Variants in RUNX3 observed in about 807,000 individuals in gnomAD.
RUNX3 encodes the protein runt-related transcription factor 3.
A neutral mutation model predicts 27.7 loss-of-function variants in RUNX3; 10 were observed. The ratio of observed to expected loss-of-function variants is 0.36; its 90% CI spans 0.22 to 0.61. The LOEUF is 0.61. Ranked by LOEUF, RUNX3 falls within the 20% of genes least tolerant of loss-of-function variation. The probability of loss-of-function intolerance (pLI) is 0.72; values close to 1 mark genes in which losing one functional copy is unlikely to be tolerated. For synonymous variants in RUNX3, 270 were observed against 269.2 expected (o/e 1.00, Z -0.03); for missense variants, 469 against 629.5 (o/e 0.75, Z 2.73).
chr1:24,934,109 C>T (rs1641293068), upstream of RUNX3, among the ~76,000 whole-genome samples: 1 of 151,806 alleles, frequency 6.6e-6, no homozygotes, highest in African/African-American at 2.4e-5. Context: ...GATTGATGAT[C>T]GATTGTTTGA....
Position 24,927,699 on chromosome 1 carries a change from G to A in RUNX3, c.314C>T (p.Thr105Met), listed in dbSNP as rs1641125973. ...ATTGCCTGCCATCACAGTCACCACC[G>A]TACCATCCGGCACGTCCCCCAATGC... Reference protein sequence around the residue: ...VVALGDVPDGTVVTVMAGNDE... With the variant: ...VVALGDVPDGMVVTVMAGNDE... Residue 105 changes from threonine to methionine, a missense_variant, in exon 2 of 5, where the codon ACG becomes ATG. By Grantham distance (81) the Thr-to-Met change is moderately conservative (BLOSUM62 -1). Transcript: ENST00000308873. The surrounding 1 kb of genome is among the most constrained non-coding windows in gnomAD (Gnocchi z 5.0). The A allele has an allele frequency of 1.2e-6, 2 of 1,613,864 alleles. No individual in the cohort carries two copies. The highest frequency in any genetic ancestry group is 8.5e-7 in the Non-Finnish European group (1 of 1,179,992).
intron 2 of RUNX3, among the ~76,000 whole-genome samples, chr1:24,939,681 G>A (rs1013674497): frequency 1.3e-5 from 2 of 152,248 alleles, no homozygotes; most frequent in African/African-American, 4.8e-5. Context: ...TGGACTTTCT[G>A]GGTGGTTTGC....
intron 2 of RUNX3, among the ~76,000 whole-genome samples, chr1:24,951,395 C>T (rs936562408): frequency 3.3e-5 from 5 of 152,036 alleles, no homozygotes; most frequent in African/African-American, 1.2e-4. Context: ...AGGAGAAGAC[C>T]ACCACACCTC....
chr1:24,927,794 A>C lies in RUNX3; in HGVS notation c.283-64T>G. 8.7e-6 allele frequency: 11 copies of C among 1,271,672 alleles called. No individual in the cohort carries two copies. The highest frequency in any genetic ancestry group is 1.2e-5 in the South Asian group (1 of 84,324). 78.8% of individuals were successfully genotyped at this position (1,271,672 alleles called of 1,614,324 possible). ...AGAAAGGAAGAGGGTGACCAGGGAA[A>C]GGAGGGGAGGGGCTGGGCTGGGCAG... On this transcript the variant is annotated intron_variant, in intron 1 of 4. Coordinates refer to ENST00000308873, the MANE Select transcript of RUNX3 (RefSeq NM_004350.3). This position sits in a 1 kb window ranked among gnomAD's most constrained non-coding sequence, Gnocchi z 5.0.
intron 3 of RUNX3, 134 bp downstream of exon 3, chr1:24,919,106 G>A (rs1424562315): frequency 2.1e-5 from 12 of 566,582 alleles, no homozygotes; most frequent in African/African-American, 3.9e-5. Context: ...CAGCAGGCAC[G>A]CAGTGTGTGG....
At position 24,927,575 on chromosome 1, in the gene RUNX3, T is replaced by G. The variant is rs1466030555; in HGVS notation, c.438A>C (p.Arg146=). 4 of 1,613,962 alleles carry G rather than the reference T, an allele frequency of 2.5e-6. No individual in the cohort carries two copies. The highest frequency in any genetic ancestry group is 2.2e-5 in the East Asian group (1 of 44,884). The stretch of plus-strand genomic sequence containing the variant: ...TGGCGAGGCCTCCCTTCCACTTACC[T>G]CGCCCACTGCGGCCCACGAAGCGAA... ...NDLRFVGRSG[R]GKSFTLTITV... is the part of the protein sequence containing the mutation. Residue 146 remains arginine, a splice_region_variant and synonymous_variant, in exon 2 of 5, where the codon CGA becomes CGC. Transcript: ENST00000308873. This position sits in a 1 kb window ranked among gnomAD's most constrained non-coding sequence, Gnocchi z 5.0.
intron 2 of RUNX3, among the ~76,000 whole-genome samples, chr1:24,945,885 A>G (rs527313499): frequency 6.6e-6 from 1 of 151,692 alleles, no homozygotes; most frequent in South Asian, 2.1e-4. Context: ...TCCCCTCCCC[A>G]CCATGGCCCC....
At position 24,943,174 on chromosome 1, in the gene RUNX3, C is replaced by G. The variant is rs548267220; in HGVS notation, c.59-13322G>C. Among the ~76,000 whole-genome samples the G allele has an allele frequency of 4.5e-3, 687 of 152,342 alleles. 6 individuals are homozygous for G. The highest frequency in any genetic ancestry group is 7.0e-3 in the Non-Finnish European group (474 of 68,028). On this transcript the variant is annotated intron_variant, in intron 2 of 6. Transcript: ENST00000338888. The surrounding 1 kb of genome is among the most constrained non-coding windows in gnomAD (Gnocchi z 4.6). Reference sequence around the variant, plus strand: ...CCGGTTTTCCCAGGTGTGGGGACACCCTGAGGGAATGACTTTTCATGTGGT... The same window carrying G: ...CCGGTTTTCCCAGGTGTGGGGACACGCTGAGGGAATGACTTTTCATGTGGT...
At chr1:24,919,715 T>A (rs902153074) in intron 2 of RUNX3, among the ~76,000 whole-genome samples, 1 of 151,774 alleles carries the variant, frequency 6.6e-6, no homozygotes, top group Non-Finnish European at 1.5e-5. Context: ...GTAGAAAAAT[T>A]CAAGAACATA....
intron 1 of RUNX3, chr1:24,929,338 T>A (rs776739299): frequency 4.3e-6 from 3 of 689,722 alleles, no homozygotes; most frequent in Non-Finnish European, 8.0e-6. Context: ...CCAACGTCTC[T>A]ACGCAAGGCG....
intron 2 of RUNX3, among the ~76,000 whole-genome samples, chr1:24,950,983 G>A (rs1185039279): frequency 1.3e-5 from 2 of 152,102 alleles, no homozygotes; most frequent in Non-Finnish European, 2.9e-5. Context: ...TGAGGTGGGT[G>A]GATCACGAGG....
intron 3 of RUNX3, among the ~76,000 whole-genome samples, chr1:24,915,816 G>C (rs555890747): frequency 3.3e-5 from 5 of 152,108 alleles, no homozygotes; most frequent in Non-Finnish European, 7.4e-5. Context: ...GGGCGTGAGG[G>C]CCTTTCCCCC....
At chr1:24,955,262 G>A (rs1177878482) in intron 2 of RUNX3, among the ~76,000 whole-genome samples, 1 of 152,170 alleles carries the variant, frequency 6.6e-6, no homozygotes, top group Non-Finnish European at 1.5e-5. Flanking sequence ...GTATCGGGGA[G>A]GGCTCCATGG....
At position 24,913,026 on chromosome 1, in the gene RUNX3, A is replaced by G. The variant is rs2236849; in HGVS notation, c.545-5609T>C. On this transcript the variant is annotated intron_variant, in intron 3 of 4. Transcript: ENST00000308873. ...CTCAGGGTTGAGAGTGCAATTTCCA[A>G]TCATACCCTGCTCTAGACCACCAAG... is the stretch of plus-strand genomic sequence containing the variant. Among the ~76,000 whole-genome samples, 18 of 152,090 alleles carry G rather than the reference A, an allele frequency of 1.2e-4. No homozygotes were observed. The East Asian group carries it at 1.5e-3, about 13-fold the overall frequency.
Position 24,916,811 on chromosome 1 carries a change from G to A in RUNX3, c.544+2429C>T, listed in dbSNP as rs984083788. ...CCAGCCGCTGCCGGGGCCCAGAGAG[G>A]GAGGTCACCTGTCTCAGGTGGTGCA... is the stretch of plus-strand genomic sequence containing the variant. On this transcript the variant is annotated intron_variant, in intron 3 of 4. Coordinates refer to ENST00000308873, the MANE Select transcript of RUNX3 (RefSeq NM_004350.3). This position sits in a 1 kb window ranked among gnomAD's most constrained non-coding sequence, Gnocchi z 4.8. 6.6e-6 allele frequency among the ~76,000 whole-genome samples: 1 copy of A among 152,162 alleles called. No homozygotes were observed. Among genetic ancestry groups the A allele is most frequent in the Admixed American group, 6.5e-5 (1 of 15,284 alleles).
intron 3 of RUNX3, among the ~76,000 whole-genome samples, chr1:24,914,043 C>T (rs987498414): frequency 2.6e-5 from 4 of 152,242 alleles, no homozygotes; most frequent in Admixed American, 6.5e-5. Flanking sequence ...CAAGGTCACA[C>T]GGTGTGTGGC....
intron 3 of RUNX3, among the ~76,000 whole-genome samples, chr1:24,909,153 C>T (rs564964989): frequency 8.5e-5 from 13 of 152,254 alleles, no homozygotes; most frequent in East Asian, 3.9e-4. Context: ...CTGCTGAGGC[C>T]GAGGGACACT....
In RUNX3 at chr1:24,904,478, G is replaced by A. The variant is rs550593067; in HGVS notation, c.704-1812C>T. 3.7e-4 allele frequency among the ~76,000 whole-genome samples: 57 copies of A among 152,292 alleles called. No homozygotes were observed. Among genetic ancestry groups the A allele is most frequent in the African/African-American group, 1.0e-3 (42 of 41,568 alleles). On this transcript the variant is annotated intron_variant, in intron 4 of 4. Coordinates refer to ENST00000308873, the MANE Select transcript of RUNX3 (RefSeq NM_004350.3). The surrounding 1 kb of genome is among the most constrained non-coding windows in gnomAD (Gnocchi z 5.7). ...CCCTAGTAGGTCACTTGGCTGTCCCGGCCCCTTGAGGCCGAGAGCCTCCGA... is the reference window on the plus strand; with the variant it reads ...CCCTAGTAGGTCACTTGGCTGTCCCAGCCCCTTGAGGCCGAGAGCCTCCGA...
chr1:24,956,140 G>A (rs968324726), intron 2 of RUNX3, among the ~76,000 whole-genome samples: 6 of 152,220 alleles, frequency 3.9e-5, no homozygotes, highest in Non-Finnish European at 7.3e-5. Context: ...CAGTGATTTG[G>A]GAAGAAGAAC....
Sources: allele counts gnomAD v4.1 joint callset (sites outside exome capture counted in the v4.1 genomes callset), GRCh38; gene constraint gnomAD v4.1.1; non-coding constraint Gnocchi (gnomAD v3.1); transcripts MANE v1.5; gene names NCBI Gene and HGNC (gene_info 2026-07-23, HGNC 2026-07-21).